RNF150: variants seen among roughly 807,000 people sequenced by gnomAD.
The protein encoded by RNF150 is ring finger protein 150.
Under a neutral mutation model 39.3 loss-of-function variants are expected in RNF150, and 24 were observed. The ratio of observed to expected loss-of-function variants is 0.61; its 90% confidence interval spans 0.44 to 0.86. The LOEUF is 0.86. RNF150 is among the 40% of genes least tolerant of loss of function. The pLI is 0.00. For synonymous variants in RNF150, 255 were observed against 227.3 expected (o/e 1.12, Z -1.10); for missense variants, 502 against 587.8 (o/e 0.85, Z 1.51).
chr4:141,068,476 T>C (rs1322851383), intron 1 of RNF150, among the ~76,000 whole-genome samples: 2 of 152,154 alleles, frequency 1.3e-5, no homozygotes, highest in Admixed American at 1.3e-4. Flanking sequence ...GTAGTATAGT[T>C]TGAAGTCAGG....
At chr4:141,088,317 A>G (rs892900946) in intron 1 of RNF150, among the ~76,000 whole-genome samples, 3 of 152,190 alleles carry the variant, frequency 2.0e-5, no homozygotes, top group African/African-American at 7.2e-5. Flanking sequence ...ACTCCATGAA[A>G]GGAAAAGATG....
At chr4:141,060,551 A>G (rs530716762) in intron 1 of RNF150, among the ~76,000 whole-genome samples, 1 of 152,350 alleles carries the variant, frequency 6.6e-6, no homozygotes, top group African/African-American at 2.4e-5. Flanking sequence ...TAAATAGTCA[A>G]ATCTGAAATT....
intron 1 of RNF150, among the ~76,000 whole-genome samples, chr4:141,026,943 T>C (rs1735719880): frequency 6.6e-6 from 1 of 152,148 alleles, no homozygotes; most frequent in African/African-American, 2.4e-5. Context: ...TGAGGAGTAA[T>C]GCCTCTTGGC....
At position 140,861,030 on chromosome 4, in the gene RNF150, T is replaced by C. The variant is rs1270081306; in HGVS notation, c.*7231A>G. 1 of 152,106 alleles carries C rather than the reference T, an allele frequency of 6.6e-6. No individual in the cohort carries two copies. The highest frequency in any genetic ancestry group is 6.5e-5 in the Admixed American group (1 of 15,268). The allele number at this position is 152,106 out of a possible 1,614,324, so 9.4% of individuals were successfully genotyped here. On this transcript the variant is annotated 3_prime_UTR_variant, in exon 7 of 7. Coordinates refer to ENST00000515673, the MANE Select transcript of RNF150 (RefSeq NM_020724.2). ...TTTCTAAATGTAAGGGACACCCCTC[T>C]ATAAAAATAACAGTCCCTCCCCACT...
At chr4:141,165,868 C>A (rs192510785) in intron 1 of RNF150, among the ~76,000 whole-genome samples, 2 of 151,876 alleles carry the variant, frequency 1.3e-5, no homozygotes, top group African/African-American at 4.8e-5. Context: ...AATTGACACC[C>A]TAACATCACA....
intron 1 of RNF150, among the ~76,000 whole-genome samples, chr4:141,127,232 A>C (rs779128412): frequency 1.3e-5 from 2 of 152,204 alleles, no homozygotes; most frequent in Admixed American, 6.5e-5. Flanking sequence ...CAGTAAGGGT[A>C]CCTATTTCAC....
chr4:141,006,270 A>G (rs1187639485), intron 1 of RNF150, among the ~76,000 whole-genome samples: 1 of 148,312 alleles, frequency 6.7e-6, no homozygotes, highest in East Asian at 2.0e-4. Flanking sequence ...ACGTATATAT[A>G]TACATACATA....
chr4:141,036,461 T>A (rs1736151161), intron 1 of RNF150, among the ~76,000 whole-genome samples: 1 of 152,170 alleles, frequency 6.6e-6, no homozygotes, highest in Non-Finnish European at 1.5e-5. Context: ...ACTCTATACA[T>A]CCTGTTGTGC....
At chr4:141,041,147 T>C (rs1283522924) in intron 1 of RNF150, among the ~76,000 whole-genome samples, 2 of 152,142 alleles carry the variant, frequency 1.3e-5, no homozygotes, top group African/African-American at 2.4e-5. Context: ...AACTGGAATG[T>C]GGTTGCTATC....
At chr4:141,194,141 G>A (rs935866675) in intron 1 of RNF150, among the ~76,000 whole-genome samples, 3 of 152,126 alleles carry the variant, frequency 2.0e-5, no homozygotes, top group Admixed American at 1.3e-4. Context: ...TGGAATCATC[G>A]ATGGAAAAAA....
upstream of RNF150, among the ~76,000 whole-genome samples, chr4:141,135,500 T>C (rs1225815106): frequency 6.6e-6 from 1 of 152,232 alleles, no homozygotes; most frequent in Admixed American, 6.5e-5. Flanking sequence ...TGGGACAGTC[T>C]GAACATAAAA....
chr4:140,994,147 G>A (rs552273168), intron 1 of RNF150, among the ~76,000 whole-genome samples: 61 of 152,234 alleles, frequency 4.0e-4, no homozygotes, highest in Admixed American at 2.7e-3. Context: ...CTCGTGGAAG[G>A]AATAAAAACA....
intron 2 of RNF150, among the ~76,000 whole-genome samples, chr4:140,963,526 C>T (rs900818872): frequency 6.7e-6 from 1 of 149,626 alleles, no homozygotes; most frequent in South Asian, 2.2e-4. Context: ...CCATGTTGGA[C>T]ACCACAGCTC....
Position 140,892,484 on chromosome 4 carries a change from G to T in RNF150, c.1198+18660C>A, listed in dbSNP as rs912669905. Reference sequence around the variant, plus strand: ...TATTTATTAACTTAAAAAACCACGAGTTTAAGCTGATCTCTTTATTACATT... The same window carrying T: ...TATTTATTAACTTAAAAAACCACGATTTTAAGCTGATCTCTTTATTACATT... On this transcript the variant is annotated intron_variant, in intron 6 of 6. Coordinates refer to ENST00000515673, the MANE Select transcript of RNF150 (RefSeq NM_020724.2). Among the ~76,000 whole-genome samples the T allele has an allele frequency of 3.3e-5, 5 of 152,208 alleles. No homozygotes were observed. In the South Asian group the frequency reaches 6.2e-4, roughly 19 times the overall value.
At position 141,013,746 on chromosome 4, in the gene RNF150, C is replaced by T. The variant is rs113325303; in HGVS notation, c.485-45873G>A. Among the ~76,000 whole-genome samples the T allele has an allele frequency of 3.7e-3, 564 of 152,258 alleles. 5 individuals carry two copies. The highest frequency in any genetic ancestry group is 0.013 in the African/African-American group (540 of 41,558). ...AGTAATATACACTTACAGGATGTAACGTGAAGTTCTGATAGATGGAGACAG... is the reference window on the plus strand; with the variant it reads ...AGTAATATACACTTACAGGATGTAATGTGAAGTTCTGATAGATGGAGACAG... On this transcript the variant is annotated intron_variant, in intron 1 of 6. Coordinates refer to ENST00000515673, the MANE Select transcript of RNF150 (RefSeq NM_020724.2).
chr4:140,973,604 T>C (rs979133837), intron 1 of RNF150, among the ~76,000 whole-genome samples: 6 of 151,932 alleles, frequency 3.9e-5, no homozygotes, highest in African/African-American at 1.2e-4. Context: ...ATGCCGGGCA[T>C]GGTGGCTCAT....
At chr4:141,117,287 T>C (rs545344842) in intron 1 of RNF150, among the ~76,000 whole-genome samples, 1 of 152,324 alleles carries the variant, frequency 6.6e-6, no homozygotes, top group East Asian at 1.9e-4. Context: ...TTGCTACAAA[T>C]ATATATCTAA....
intron 1 of RNF150, among the ~76,000 whole-genome samples, chr4:141,106,854 T>C (rs1184478347): frequency 1.3e-5 from 2 of 152,122 alleles, no homozygotes; most frequent in Non-Finnish European, 2.9e-5. Flanking sequence ...AATGTTCTAG[T>C]CTTTCCATCT....
At chr4:141,106,009 A>G (rs1739183439) in intron 1 of RNF150, among the ~76,000 whole-genome samples, 1 of 152,160 alleles carries the variant, frequency 6.6e-6, no homozygotes, top group Non-Finnish European at 1.5e-5. Flanking sequence ...ACTTCACCAC[A>G]CAACCCATCT....
Sources: allele counts gnomAD v4.1 joint callset (sites outside exome capture counted in the v4.1 genomes callset), GRCh38; gene constraint gnomAD v4.1.1; transcripts MANE v1.5; gene names NCBI Gene and HGNC (gene_info 2026-07-23, HGNC 2026-07-21).